Variants in EEFSEC observed in about 807,000 individuals in gnomAD.
The protein encoded by EEFSEC is selenocysteine-specific elongation factor.
EEFSEC carries 43 observed loss-of-function variants against 42.1 expected under a neutral mutation model. The observed-to-expected ratio is 1.02, with a 90% CI of 0.80 to 1.32. The LOEUF (loss-of-function observed/expected upper bound fraction) is 1.32. EEFSEC is among the 40% of genes most tolerant of loss of function. The pLI, the probability that EEFSEC is intolerant of heterozygous loss-of-function variation, is 0.00. For missense variants in EEFSEC, 745 were observed against 803.6 expected (o/e 0.93, Z 0.88); for synonymous variants, 354 against 339.1 (o/e 1.04, Z -0.48).
intron 6 of EEFSEC, among the ~76,000 whole-genome samples, chr3:128,402,091 G>A (rs1325066306): frequency 6.6e-6 from 1 of 152,238 alleles, no homozygotes; most frequent in Non-Finnish European, 1.5e-5. Context: ...GGATGCCGGA[G>A]GCCACAGTGA....
chr3:128,222,418 A>G (rs769117058), intron 1 of EEFSEC, among the ~76,000 whole-genome samples: 34 of 152,220 alleles, frequency 2.2e-4, no homozygotes, highest in Non-Finnish European at 4.4e-4. Context: ...AATAAGAATA[A>G]TTTGTTAACC....
At chr3:128,226,624 A>G (rs964499273) in intron 1 of EEFSEC, among the ~76,000 whole-genome samples, 1 of 152,048 alleles carries the variant, frequency 6.6e-6, no homozygotes, top group Non-Finnish European at 1.5e-5. Context: ...CCCCTCTTCT[A>G]TGCTTGCTTA....
At chr3:128,361,807 C>G (rs923693798) in intron 6 of EEFSEC, among the ~76,000 whole-genome samples, 1 of 152,218 alleles carries the variant, frequency 6.6e-6, no homozygotes, top group African/African-American at 2.4e-5. Flanking sequence ...GGAGGCCTGA[C>G]AAGCTGCCAG....
At chr3:128,253,123 C>T (rs943146031) in intron 2 of EEFSEC, among the ~76,000 whole-genome samples, 2 of 152,152 alleles carry the variant, frequency 1.3e-5, no homozygotes, top group Non-Finnish European at 1.5e-5. Flanking sequence ...ACACCTGGCC[C>T]AACACACTGT....
chr3:128,407,541 G>A (rs1036788166), intron 6 of EEFSEC, among the ~76,000 whole-genome samples: 19 of 152,244 alleles, frequency 1.2e-4, no homozygotes, highest in African/African-American at 4.1e-4. Context: ...GGCAGGTGGG[G>A]GTGAAGGCAG....
At chr3:128,294,327 T>A (rs181944396) in intron 4 of EEFSEC, among the ~76,000 whole-genome samples, 46 of 152,298 alleles carry the variant, frequency 3.0e-4, no homozygotes, top group African/African-American at 1.1e-3. Context: ...ACAGTTGAAG[T>A]ACATACAGGA....
intron 5 of EEFSEC, among the ~76,000 whole-genome samples, chr3:128,343,242 C>G (rs372819327): frequency 2.0e-5 from 3 of 152,294 alleles, no homozygotes; most frequent in East Asian, 3.9e-4. Flanking sequence ...CAGGTTTTCT[C>G]CTCTGGGAGA....
At chr3:128,355,254 G>A (rs1194006107) in intron 5 of EEFSEC, among the ~76,000 whole-genome samples, 1 of 152,160 alleles carries the variant, frequency 6.6e-6, no homozygotes, top group Non-Finnish European at 1.5e-5. Flanking sequence ...AAGACATAGT[G>A]GCCAGGCTCT....
intron 6 of EEFSEC, chr3:128,367,916 G>T: frequency 1.1e-6 from 1 of 898,174 alleles, no homozygotes. Context: ...TGCCTCCTGC[G>T]ATCACTTGCC....
chr3:128,403,553 G>A (rs2659685), intron 6 of EEFSEC, among the ~76,000 whole-genome samples: 53,027 of 152,060 alleles, frequency 0.35, 10,490 homozygotes, highest in African/African-American at 0.53. Flanking sequence ...GCCTTCCCGC[G>A]TACTCTGACC....
intron 1 of EEFSEC, among the ~76,000 whole-genome samples, chr3:128,174,029 C>G (rs373136033): frequency 2.4e-4 from 36 of 152,314 alleles, no homozygotes; most frequent in East Asian, 7.7e-4. Flanking sequence ...AAGGCGATCT[C>G]TTAGGGTTGG....
At chr3:128,326,010 A>G (rs972103249) in intron 4 of EEFSEC, among the ~76,000 whole-genome samples, 2 of 152,202 alleles carry the variant, frequency 1.3e-5, no homozygotes, top group South Asian at 2.1e-4. Context: ...CTTGGACAAG[A>G]AATGTAGAAA....
At chr3:128,285,294 G>T (rs2066571552) in intron 4 of EEFSEC, among the ~76,000 whole-genome samples, 1 of 152,154 alleles carries the variant, frequency 6.6e-6, no homozygotes, top group Non-Finnish European at 1.5e-5. Context: ...GGGAGCTATG[G>T]TGCTGCAGAG....
intron 4 of EEFSEC, among the ~76,000 whole-genome samples, chr3:128,335,382 G>T (rs1021492075): frequency 1.2e-4 from 19 of 152,152 alleles, no homozygotes. Context: ...TGACTGAGGA[G>T]GGGCTCTGAT....
downstream of EEFSEC, among the ~76,000 whole-genome samples, chr3:128,411,497 G>A (rs1329255833): frequency 2.0e-5 from 3 of 152,216 alleles, no homozygotes; most frequent in Non-Finnish European, 4.4e-5. Context: ...TGCTTCAGGC[G>A]TGTCCTTGGA....
At chr3:128,241,201 C>CTTTTTTTTTTTT (rs373420882) in intron 1 of EEFSEC, among the ~76,000 whole-genome samples, 1 of 80,658 alleles carries the variant, frequency 1.2e-5, no homozygotes, top group Non-Finnish European at 2.2e-5. Flanking sequence ...CTCTCTCTCT[C>CTTTTTTTTTTTT]TTTTTTTTTT....
intron 1 of EEFSEC, among the ~76,000 whole-genome samples, chr3:128,161,837 A>G (rs2065191017): frequency 6.6e-6 from 1 of 152,134 alleles, no homozygotes; most frequent in African/African-American, 2.4e-5. Flanking sequence ...ATGAATTTCA[A>G]CCAGATTTTT....
intron 4 of EEFSEC, among the ~76,000 whole-genome samples, chr3:128,279,104 G>A (rs1017451247): frequency 2.0e-5 from 3 of 152,240 alleles, no homozygotes; most frequent in African/African-American, 7.2e-5. Context: ...GCCGCCAGAG[G>A]GAACGCTGCC....
intron 4 of EEFSEC, among the ~76,000 whole-genome samples, chr3:128,314,208 G>T (rs1230623605): frequency 3.9e-5 from 6 of 152,186 alleles, no homozygotes; most frequent in African/African-American, 1.4e-4. Flanking sequence ...GGTTTCAGTG[G>T]CTCAATGTCC....
Sources: gnomAD v4.1 joint callset for allele counts (sites outside exome capture counted in the v4.1 genomes callset) on GRCh38, gnomAD v4.1.1 for gene constraint, MANE v1.5 for transcripts, NCBI Gene and HGNC (gene_info 2026-07-23, HGNC 2026-07-21) for gene names.